Variants in KLHL5 observed in about 807,000 individuals in gnomAD.
KLHL5 encodes kelch like family member 5, also known as kelch-like protein 5.
In KLHL5, 48 loss-of-function variants were observed where a neutral mutation model predicts 77.7. That is an observed-to-expected ratio of 0.62 (90% confidence interval 0.49 to 0.79). The LOEUF is 0.79. Among genes scored for constraint, KLHL5 ranks in the 30% least tolerant of loss-of-function variants. KLHL5 has a pLI of 0.00. For missense variants in KLHL5, 723 were observed against 859.7 expected (o/e 0.84, Z 1.99); for synonymous variants, 260 against 297.0 (o/e 0.88, Z 1.28).
At chr4:39,082,725 C>A (rs564342056) in intron 4 of KLHL5, among the ~76,000 whole-genome samples, 1 of 152,184 alleles carries the variant, frequency 6.6e-6, no homozygotes, top group East Asian at 1.9e-4. Context: ...ACAACAAACC[C>A]CCATGATACA....
rs73238538 is a variant in KLHL5 at position 39,126,028 on chromosome 4, C to T, written c.*4962C>T. Among the ~76,000 whole-genome samples, 23 of 152,070 alleles carry T rather than the reference C, an allele frequency of 1.5e-4. No homozygotes were observed. The highest frequency in any genetic ancestry group is 3.2e-4 in the Non-Finnish European group (22 of 67,992). On this transcript the variant is annotated 3_prime_UTR_variant, in exon 11 of 11. Transcript: ENST00000504108. Reference sequence around the variant, plus strand: ...AAGGCTCTTAAATCTTAATTTCAACCTAAGAAGGGAGTGAGAAACAACGAG... The same window carrying T: ...AAGGCTCTTAAATCTTAATTTCAACTTAAGAAGGGAGTGAGAAACAACGAG...
At chr4:39,047,007 C>A (rs532015889) in intron 1 of KLHL5, among the ~76,000 whole-genome samples, 1 of 152,312 alleles carries the variant, frequency 6.6e-6, no homozygotes, top group Non-Finnish European at 1.5e-5. Flanking sequence ...TACAGAATTT[C>A]TTGGAGATTT....
intron 1 of KLHL5, among the ~76,000 whole-genome samples, chr4:39,065,498 CAT>C (rs1560409810): frequency 1.3e-5 from 2 of 151,816 alleles, no homozygotes; most frequent in Non-Finnish European, 2.9e-5. Context: ...GGACTACAGA[CAT>C]GTGCCACCAC....
chr4:39,071,667 C>G (rs561313359), intron 1 of KLHL5, among the ~76,000 whole-genome samples: 1 of 152,308 alleles, frequency 6.6e-6, no homozygotes, highest in South Asian at 2.1e-4. Flanking sequence ...CAGTTTCTAA[C>G]TGGTGCAGTG....
Position 39,086,668 on chromosome 4 carries a change from A to G in KLHL5, c.1054A>G (p.Arg352Gly). The change falls in exon 5 of 11, where the codon AGA becomes GGA. Residue 352 changes from arginine (R) to glycine (G), a missense_variant. Arg to Gly is a moderately radical substitution (Grantham distance 125). This residue lies in a region of KLHL5 where 288 missense variants were observed against 400.3 expected (regional missense o/e 0.72). Coordinates refer to ENST00000504108, the MANE Select transcript of KLHL5 (RefSeq NM_015990.5). ...TTGGGTCCGTCATGATTTGGAACAG[A>G]GACGGAAAGATCTAAGTAAACTTTT... ...LTWVRHDLEQ[R>G]RKDLSKLLAY... is the part of the protein sequence containing the mutation. 1 of 1,614,042 alleles carries G rather than the reference A, an allele frequency of 6.2e-7. No individual in the cohort carries two copies. Among genetic ancestry groups the G allele is most frequent in the South Asian group, 1.1e-5 (1 of 91,078 alleles).
Position 39,082,127 on chromosome 4 carries a change from G to C in KLHL5, c.868G>C (p.Asp290His). 1 of 1,608,520 alleles carries C rather than the reference G, an allele frequency of 6.2e-7. No individual in the cohort carries two copies. Among genetic ancestry groups the C allele is most frequent in the South Asian group, 1.1e-5 (1 of 89,702 alleles). Residue 290 changes from aspartate to histidine, a missense_variant, in exon 4 of 11, where the codon GAT (aspartate) becomes CAT (histidine). Coordinates refer to ENST00000504108, the MANE Select transcript of KLHL5 (RefSeq NM_015990.5). ...TTTTGCTGATGCCCAAGGTTGTACAGATTTGCATAAAGTGGCTCACAATTA... is the reference window on the plus strand; with the variant it reads ...TTTTGCTGATGCCCAAGGTTGTACACATTTGCATAAAGTGGCTCACAATTA... ...RSFADAQGCTDLHKVAHNYTM... is the reference protein window; with the variant it reads ...RSFADAQGCTHLHKVAHNYTM...
At chr4:39,068,463 G>GTC (rs1718107109) in intron 1 of KLHL5, among the ~76,000 whole-genome samples, 1 of 151,876 alleles carries the variant, frequency 6.6e-6, no homozygotes, top group Non-Finnish European at 1.5e-5. Context: ...GTGTGTGTGT[G>GTC]TGAAATATTT....
chr4:39,122,588 G>A lies in KLHL5; in HGVS notation c.*1522G>A, dbSNP rs1408321023. On this transcript the variant is annotated 3_prime_UTR_variant, in exon 11 of 11. Transcript: ENST00000504108. ...TGGGAGGCTGAGGTGGGCGGATCAC[G>A]AGGTCAGGAGATGGAGACCATCCTG... is the stretch of plus-strand genomic sequence containing the variant. Among the ~76,000 whole-genome samples, 1 of 152,036 alleles carries A rather than the reference G, an allele frequency of 6.6e-6. No homozygotes were observed. Among genetic ancestry groups the A allele is most frequent in the East Asian group, 1.9e-4 (1 of 5,192 alleles).
At chr4:39,129,815 T>G (rs1374994497), downstream of KLHL5, among the ~76,000 whole-genome samples, 1 of 152,220 alleles carries the variant, frequency 6.6e-6, no homozygotes, top group Admixed American at 6.5e-5. This position sits in a 1 kb window ranked among gnomAD's most constrained non-coding sequence, Gnocchi z 4.2. Flanking sequence ...TGAGAAACAG[T>G]CATTGCAAAG....
intron 5 of KLHL5, 54 bp from the exon 6 acceptor site, chr4:39,096,637 TA>T: frequency 1.6e-6 from 2 of 1,261,938 alleles, no homozygotes; most frequent in Non-Finnish European, 2.2e-6. Flanking sequence ...TTTTTTTCTG[TA>T]AACCCTACCA....
rs1723200800 is a variant in KLHL5, at chr4:39,121,390, TACTC to T, written c.*327_*330del. 1 of 265,642 alleles carries T rather than the reference TACTC, an allele frequency of 3.8e-6. No individual in the cohort carries two copies. The highest frequency in any genetic ancestry group is 2.2e-5 in the African/African-American group (1 of 45,550). The allele number at this position is 265,642 out of a possible 1,614,324, so 16.5% of individuals were successfully genotyped here. ...TTCATTTATTCAGTCAAGCACATCT[TACTC>T]ACATCCAGATTTATTTTCCTACAGT... On this transcript the variant is annotated 3_prime_UTR_variant, in exon 11 of 11. Coordinates refer to ENST00000504108, the MANE Select transcript of KLHL5 (RefSeq NM_015990.5).
upstream of KLHL5, among the ~76,000 whole-genome samples, chr4:39,061,539 A>G (rs1233496018): frequency 6.6e-6 from 1 of 152,202 alleles, no homozygotes; most frequent in East Asian, 1.9e-4. Context: ...AGTAGATTGC[A>G]TTGTTCACAA....
chr4:39,075,947 G>GTT lies in KLHL5; in HGVS notation c.384-10_384-9dup, dbSNP rs201873328. ...GTGATAGTGATATTTCAAAATGTGT[G>GTT]TTTTTTTTTCTTTTCAGGACTTCCA... On this transcript the variant is annotated splice_polypyrimidine_tract_variant and intron_variant, in intron 1 of 10. Coordinates refer to ENST00000504108, the MANE Select transcript of KLHL5 (RefSeq NM_015990.5). The GTT allele has an allele frequency of 3.2e-5, 50 of 1,546,642 alleles. No individual in the cohort carries two copies. Among genetic ancestry groups the GTT allele is most frequent in the Middle Eastern group, 1.7e-4 (1 of 5,854 alleles).
chr4:39,049,706 TAAATAAA>T (rs60417360), intron 1 of KLHL5, among the ~76,000 whole-genome samples: 104,204 of 146,196 alleles, frequency 0.71, 37,255 homozygotes, highest in East Asian at 0.81. Flanking sequence ...CAAAAATAAA[TAAATAAA>T]AAATAAATAA....
At chr4:39,095,892 T>C (rs1320368915) in intron 5 of KLHL5, among the ~76,000 whole-genome samples, 1 of 151,662 alleles carries the variant, frequency 6.6e-6, no homozygotes, top group African/African-American at 2.4e-5. Flanking sequence ...GTTATACATA[T>C]AAATGTATGA....
chr4:39,057,213 CAG>C (rs1276651055), intron 1 of KLHL5, among the ~76,000 whole-genome samples: 1 of 152,104 alleles, frequency 6.6e-6, no homozygotes, highest in Non-Finnish European at 1.5e-5. Context: ...AATTTAAAGT[CAG>C]AAATTATTTA....
Position 39,081,106 on chromosome 4 carries a change from G to T in KLHL5, c.570G>T (p.Leu190Phe), listed in dbSNP as rs750615631. Reference protein sequence around the residue: ...AGDRRIPAHRLVLSSVSDYFA... With the variant: ...AGDRRIPAHRFVLSSVSDYFA... ...TTTTTTCCTAATGTGTTCACAGATT[G>T]GTGCTCTCCTCTGTCTCAGACTATT... Residue 190 changes from leucine (L) to phenylalanine (F), a missense_variant, in exon 3 of 11, where the codon TTG becomes TTT. By Grantham distance (22) the Leu-to-Phe change is conservative. Coordinates refer to ENST00000504108, the MANE Select transcript of KLHL5 (RefSeq NM_015990.5). This position sits in a 1 kb window ranked among gnomAD's most constrained non-coding sequence, Gnocchi z 4.3. The T allele has an allele frequency of 6.2e-7, 1 of 1,603,988 alleles. No homozygotes were observed. The highest frequency in any genetic ancestry group is 8.5e-7 in the Non-Finnish European group (1 of 1,177,030).
chr4:39,113,167 TG>T lies in KLHL5; in HGVS notation c.1837del (p.Ala613LeufsTer2). 1 of 1,614,152 alleles carries T rather than the reference TG, an allele frequency of 6.2e-7. No homozygotes were observed. The highest frequency in any genetic ancestry group is 8.5e-7 in the Non-Finnish European group (1 of 1,179,990). ...GVTTWNGLLY[A>X]IGGHDAPASN... ...TGACGACCTGGAATGGACTGCTGTA[TG>T]CTATAGGGGGGCACGATGCTCCCGC... On this transcript the variant is annotated frameshift_variant, in exon 9 of 11. Coordinates refer to ENST00000504108, the MANE Select transcript of KLHL5 (RefSeq NM_015990.5). LOFTEE classifies it high-confidence loss of function.
At position 39,048,638 on chromosome 4, in the gene KLHL5, CTT is replaced by C. The variant is rs34713116; in HGVS notation, c.-95+3562_-95+3563del. On this transcript the variant is annotated intron_variant, in intron 1 of 11. Coordinates refer to the KLHL5 transcript ENST00000261425. ...AAAGGATGTGGTGATTTTACATTGG[CTT>C]TTTTTTTTTTTTTTTTTTTGGAGAT... 1.0e-3 allele frequency among the ~76,000 whole-genome samples: 82 copies of C among 79,136 alleles called. 1 individual carries two copies. Among genetic ancestry groups the C allele is most frequent in the African/African-American group, 3.9e-3 (73 of 18,588 alleles). 51.9% of individuals were successfully genotyped at this position (79,136 alleles called of 152,430 possible). A position where few individuals can be genotyped will look rare whatever the true frequency, so the allele number is the denominator to read the frequency against.
Sources: gnomAD v4.1 joint callset for allele counts (sites outside exome capture counted in the v4.1 genomes callset) on GRCh38, gnomAD v4.1.1 for gene constraint, gnomAD v4.1.1 regional missense constraint, Gnocchi (gnomAD v3.1) non-coding constraint, MANE v1.5 for transcripts, NCBI Gene and HGNC (gene_info 2026-07-23, HGNC 2026-07-21) for gene names.